BLTP1: variants seen among roughly 807,000 people sequenced by gnomAD.
BLTP1 encodes fragile site-associated protein.
the BLTP1 span, chr4:122,186,313 C>A: frequency 1.2e-6 from 1 of 848,252 alleles, no homozygotes; most frequent in Non-Finnish European, 1.6e-6. Flanking sequence ...CTAAACAGAG[C>A]CTAATATTTC....
At chr4:122,336,134 TTC>T in the BLTP1 span, 3 of 1,399,716 alleles carry the variant, frequency 2.1e-6, no homozygotes, top group Non-Finnish European at 1.9e-6. Flanking sequence ...TAATTCAAAT[TTC>T]TGTTTAATTG....
chr4:122,248,685 C>G, the BLTP1 span, among the ~76,000 whole-genome samples: 2 of 151,774 alleles, frequency 1.3e-5, no homozygotes, highest in Non-Finnish European at 2.9e-5. Flanking sequence ...ATTATAAATG[C>G]AAAGAATGAC....
chr4:122,224,900 A>T, the BLTP1 span: 1 of 1,383,074 alleles, frequency 7.2e-7, no homozygotes, highest in Admixed American at 3.0e-5. Context: ...ATGTGTGTAG[A>T]CCTATATAAT....
chr4:122,229,350 A>C, the BLTP1 span: 15 of 808,140 alleles, frequency 1.9e-5, no homozygotes, highest in African/African-American at 3.6e-5. Context: ...AGACAGCCAC[A>C]AAATTTTAGG....
the BLTP1 span, chr4:122,200,002 C>A: frequency 4.1e-6 from 4 of 975,936 alleles, no homozygotes; most frequent in Non-Finnish European, 3.7e-6. Context: ...TCAGGGACAA[C>A]AACACTAACA....
the BLTP1 span, chr4:122,167,858 A>G: frequency 1.2e-5 from 12 of 985,312 alleles, no homozygotes; most frequent in East Asian, 1.1e-4. Context: ...CAGGAAGGGT[A>G]GAGGAAGAGG....
the BLTP1 span, among the ~76,000 whole-genome samples, chr4:122,205,264 C>G: frequency 6.6e-6 from 1 of 151,760 alleles, no homozygotes; most frequent in Non-Finnish European, 1.5e-5. Context: ...TAATAATAAA[C>G]GCTACCATTT....
chr4:122,305,882 T>C, the BLTP1 span: 6 of 1,582,480 alleles, frequency 3.8e-6, no homozygotes, highest in East Asian at 1.3e-4. Flanking sequence ...TTTAGGTTTA[T>C]GAGGAAGCTG....
the BLTP1 span, chr4:122,258,885 A>G: frequency 2.4e-6 from 3 of 1,264,270 alleles, no homozygotes; most frequent in South Asian, 1.6e-5. Flanking sequence ...CCAGACTTAC[A>G]GAGAAAACCT....
the BLTP1 span, among the ~76,000 whole-genome samples, chr4:122,327,154 G>T: frequency 4.1e-5 from 6 of 146,628 alleles, no homozygotes; most frequent in Non-Finnish European, 3.0e-5. Flanking sequence ...AAATGCAGTG[G>T]CCTCCTGGTG....
At chr4:122,231,092 T>C in the BLTP1 span, among the ~76,000 whole-genome samples, 5 of 152,190 alleles carry the variant, frequency 3.3e-5, no homozygotes, top group Non-Finnish European at 7.4e-5. Flanking sequence ...TTTCTAAATT[T>C]CCCATTATAA....
chr4:122,181,240 C>CTT, the BLTP1 span: 3 of 943,372 alleles, frequency 3.2e-6, no homozygotes, highest in Non-Finnish European at 3.8e-6. Flanking sequence ...TAGATGCGTT[C>CTT]TTTTTTTTTA....
the BLTP1 span, chr4:122,353,038 CAT>C: frequency 6.2e-7 from 1 of 1,614,014 alleles, no homozygotes; most frequent in Non-Finnish European, 8.5e-7. This position sits in a 1 kb window ranked among gnomAD's most constrained non-coding sequence, Gnocchi z 4.3. Flanking sequence ...ACATGGAAAT[CAT>C]ATGACACTGG....
the BLTP1 span, chr4:122,316,530 A>G: frequency 1.7e-6 from 1 of 604,496 alleles, no homozygotes; most frequent in African/African-American, 1.9e-5. Context: ...AAGCATGCAG[A>G]GCACACTCAT....
the BLTP1 span, chr4:122,207,655 G>A: frequency 6.5e-7 from 1 of 1,527,206 alleles, no homozygotes; most frequent in South Asian, 1.1e-5. Context: ...ATAGTTGAAT[G>A]CATTATTTAT....
the BLTP1 span, chr4:122,247,776 C>T: frequency 1.5e-3 from 1,496 of 1,001,284 alleles, 15 homozygotes; most frequent in African/African-American, 0.025. Context: ...CTGTAAAATA[C>T]AGCAGCAATA....
At chr4:122,272,073 G>A in the BLTP1 span, 2 of 1,484,758 alleles carry the variant, frequency 1.3e-6, no homozygotes, top group Non-Finnish European at 1.8e-6. Context: ...GGAATGTGAA[G>A]GAAAGAAAGG....
At chr4:122,276,845 A>G in the BLTP1 span, 3 of 979,576 alleles carry the variant, frequency 3.1e-6, no homozygotes, top group Non-Finnish European at 3.6e-6. Context: ...TTTACTGTTT[A>G]TAAACAATCA....
the BLTP1 span, chr4:122,289,493 G>A: frequency 2.4e-5 from 24 of 983,454 alleles, no homozygotes; most frequent in Non-Finnish European, 2.9e-5. Context: ...ACTCATTTGG[G>A]AACAACATTT....
Sources: gnomAD v4.1 joint callset for allele counts (sites outside exome capture counted in the v4.1 genomes callset) on GRCh38, gnomAD v4.1.1 for gene constraint, Gnocchi (gnomAD v3.1) non-coding constraint, MANE v1.5 for transcripts, NCBI Gene and HGNC (gene_info 2026-07-23, HGNC 2026-07-21) for gene names.